Variants in SUPT3H observed in about 807,000 individuals in gnomAD.
SUPT3H encodes transcription initiation protein SPT3 homolog.
In SUPT3H, 44 loss-of-function variants were observed where a neutral mutation model predicts 44.3. That is an observed-to-expected ratio of 0.99 (90% confidence interval 0.78 to 1.28). The LOEUF (loss-of-function observed/expected upper bound fraction) is 1.28. Ranked by LOEUF, SUPT3H falls within the 50% of genes most tolerant of loss-of-function variation. SUPT3H has a pLI of 0.00. For synonymous variants in SUPT3H, 124 were observed against 125.6 expected (o/e 0.99, Z 0.09); for missense variants, 380 against 387.1 (o/e 0.98, Z 0.15).
chr6:45,007,728 T>C (rs1162571426), intron 5 of SUPT3H, among the ~76,000 whole-genome samples: 7 of 149,968 alleles, frequency 4.7e-5, no homozygotes, highest in Non-Finnish European at 8.9e-5. Context: ...CCCTAAGTAT[T>C]CCCCCCCACT....
At chr6:45,243,831 G>C (rs959208020) in intron 2 of SUPT3H, among the ~76,000 whole-genome samples, 1 of 152,050 alleles carries the variant, frequency 6.6e-6, no homozygotes, top group Admixed American at 6.6e-5. Context: ...TATTTCCCCT[G>C]TATCAGATTA....
chr6:44,900,250 G>T (rs1029903636), intron 10 of SUPT3H, among the ~76,000 whole-genome samples: 3 of 152,214 alleles, frequency 2.0e-5, no homozygotes, highest in African/African-American at 4.8e-5. Context: ...AAGCACAAGG[G>T]GTCAGGGAAT....
chr6:45,003,871 T>C, intron 5 of SUPT3H, 79 bp from the exon 6 acceptor site: 2 of 1,444,038 alleles, frequency 1.4e-6, no homozygotes, highest in Non-Finnish European at 9.4e-7. Context: ...ATGTATTAAA[T>C]ATAGTATACC....
At chr6:45,080,798 G>A (rs895788866) in intron 3 of SUPT3H, among the ~76,000 whole-genome samples, 3 of 152,012 alleles carry the variant, frequency 2.0e-5, no homozygotes, top group African/African-American at 7.2e-5. Flanking sequence ...AGAAGTGGAG[G>A]TAAAGTGGGG....
chr6:45,300,306 A>G (rs1272349639), intron 2 of SUPT3H, among the ~76,000 whole-genome samples: 1 of 152,228 alleles, frequency 6.6e-6, no homozygotes, highest in African/African-American at 2.4e-5. Context: ...GTAATACGCC[A>G]AAAGTTTTCT....
At chr6:45,282,812 A>T (rs1338522014) in intron 2 of SUPT3H, among the ~76,000 whole-genome samples, 1 of 152,214 alleles carries the variant, frequency 6.6e-6, no homozygotes, top group African/African-American at 2.4e-5. Flanking sequence ...AATAAAGGAA[A>T]TAATGTTAAG....
intron 2 of SUPT3H, among the ~76,000 whole-genome samples, chr6:45,287,233 A>C (rs1465387171): frequency 6.7e-6 from 1 of 150,286 alleles, no homozygotes; most frequent in East Asian, 1.9e-4. Context: ...CTAAAACTTA[A>C]AGTATAATAA....
intron 2 of SUPT3H, among the ~76,000 whole-genome samples, chr6:45,251,775 G>A (rs9357480): frequency 0.4 from 60,206 of 151,832 alleles, 12,342 homozygotes; most frequent in East Asian, 0.71. Flanking sequence ...TACCATAAAC[G>A]AAAACCAGAG....
intron 6 of SUPT3H, among the ~76,000 whole-genome samples, chr6:44,962,973 T>C (rs917706233): frequency 6.7e-6 from 1 of 149,422 alleles, no homozygotes; most frequent in Non-Finnish European, 1.5e-5. Context: ...AATCCAAGTC[T>C]ATCTTGGTTA....
At chr6:45,266,286 T>C (rs186831985) in intron 2 of SUPT3H, among the ~76,000 whole-genome samples, 2 of 152,076 alleles carry the variant, frequency 1.3e-5, no homozygotes, top group Admixed American at 6.6e-5. Flanking sequence ...TTTAAAAATC[T>C]AGAAACTTCA....
intron 2 of SUPT3H, among the ~76,000 whole-genome samples, chr6:45,281,486 G>A (rs1290873544): frequency 4.6e-5 from 7 of 152,134 alleles, no homozygotes; most frequent in Non-Finnish European, 7.4e-5. Flanking sequence ...ACAAAGCCTC[G>A]CTCATTGCTA....
intron 4 of SUPT3H, among the ~76,000 whole-genome samples, chr6:45,015,422 T>C (rs1784098845): frequency 6.6e-6 from 1 of 152,138 alleles, no homozygotes; most frequent in South Asian, 2.1e-4. Flanking sequence ...ATGAAGCTTG[T>C]AGGACCTGAA....
intron 7 of SUPT3H, among the ~76,000 whole-genome samples, chr6:44,960,540 A>T (rs1330237592): frequency 1.3e-5 from 2 of 152,088 alleles, no homozygotes; most frequent in Non-Finnish European, 2.9e-5. Flanking sequence ...CTTTAAGATT[A>T]TGAGTTTCAG....
chr6:45,255,555 G>A (rs1458022759), intron 2 of SUPT3H, among the ~76,000 whole-genome samples: 1 of 151,192 alleles, frequency 6.6e-6, no homozygotes, highest in East Asian at 2.0e-4. Context: ...CCAAGTACCT[G>A]GGACTATAGG....
At chr6:45,334,449 C>CAA (rs551014969) in intron 2 of SUPT3H, among the ~76,000 whole-genome samples, 30 of 91,728 alleles carry the variant, frequency 3.3e-4, no homozygotes, top group East Asian at 7.2e-4. Context: ...TCAGGAAAAG[C>CAA]AAAAAAAAAA....
intron 2 of SUPT3H, among the ~76,000 whole-genome samples, chr6:45,161,002 A>T (rs910788414): frequency 1.3e-5 from 2 of 152,016 alleles, no homozygotes; most frequent in African/African-American, 4.8e-5. Context: ...TCCTTGAAAT[A>T]GTGAGTTCAT....
intron 10 of SUPT3H, among the ~76,000 whole-genome samples, chr6:44,877,304 T>A (rs1777474640): frequency 6.6e-6 from 1 of 152,030 alleles, no homozygotes; most frequent in Non-Finnish European, 1.5e-5. Context: ...CTGTCTCTAC[T>A]AAAAGCACAA....
intron 6 of SUPT3H, among the ~76,000 whole-genome samples, chr6:44,986,936 A>G (rs1050355752): frequency 1.3e-5 from 2 of 152,104 alleles, no homozygotes; most frequent in African/African-American, 4.8e-5. Context: ...TGGGAAGTAC[A>G]CTGTTCCTTT....
chr6:45,019,317 T>C (rs1784775103), intron 4 of SUPT3H, among the ~76,000 whole-genome samples: 1 of 152,116 alleles, frequency 6.6e-6, no homozygotes, highest in African/African-American at 2.4e-5. Flanking sequence ...TTCATTAATT[T>C]TTTGAAGGGT....
Sources: allele counts gnomAD v4.1 joint callset (sites outside exome capture counted in the v4.1 genomes callset), GRCh38; gene constraint gnomAD v4.1.1; transcripts MANE v1.5; gene names NCBI Gene and HGNC (gene_info 2026-07-23, HGNC 2026-07-21).